The following ROBO1 variants were observed in gnomAD, a reference collection of about 807,000 sequenced individuals.
ROBO1 encodes the protein roundabout homolog 1.
In ROBO1, 149 loss-of-function variants were observed where a neutral mutation model predicts 195.9. That is an observed-to-expected ratio of 0.76 (90% CI 0.67 to 0.87). The LOEUF is 0.87. ROBO1 is among the 40% of genes least tolerant of loss of function. The probability of loss-of-function intolerance (pLI) is 0.00; values close to 1 mark genes in which losing one functional copy is unlikely to be tolerated. For missense variants in ROBO1, 1,933 were observed against 2,068.3 expected (o/e 0.93, Z 1.27); for synonymous variants, 816 against 733.2 (o/e 1.11, Z -1.82).
At chr3:79,321,180 C>A (rs1409517554) in intron 2 of ROBO1, among the ~76,000 whole-genome samples, 1 of 151,888 alleles carries the variant, frequency 6.6e-6, no homozygotes, top group Non-Finnish European at 1.5e-5. Context: ...TGAATAAATG[C>A]AGCTTTTTTT....
chr3:79,412,199 T>C (rs993307155), intron 2 of ROBO1, among the ~76,000 whole-genome samples: 1 of 152,178 alleles, frequency 6.6e-6, no homozygotes, highest in African/African-American at 2.4e-5. Context: ...AAGGCTTCTA[T>C]TTGAATTATC....
At chr3:79,257,962 TA>T (rs1193078763) in intron 2 of ROBO1, among the ~76,000 whole-genome samples, 2 of 152,084 alleles carry the variant, frequency 1.3e-5, no homozygotes, top group Non-Finnish European at 2.9e-5. Context: ...TGGTTAGTAA[TA>T]AAGCTATAAC....
At chr3:79,678,537 T>C (rs1946851088) in intron 1 of ROBO1, among the ~76,000 whole-genome samples, 4 of 152,084 alleles carry the variant, frequency 2.6e-5, no homozygotes, top group African/African-American at 9.7e-5. Context: ...GGAGTACTTA[T>C]TGAACATTAT....
intron 3 of ROBO1, among the ~76,000 whole-genome samples, chr3:78,992,603 G>GT (rs2077263742): frequency 6.6e-6 from 1 of 152,178 alleles, no homozygotes; most frequent in East Asian, 1.9e-4. Context: ...TTAAAACAGT[G>GT]TGAGTCAAGG....
chr3:78,954,640 C>T (rs918822439), intron 3 of ROBO1, among the ~76,000 whole-genome samples: 1 of 151,860 alleles, frequency 6.6e-6, no homozygotes, highest in African/African-American at 2.4e-5. Context: ...TTTTTTATTG[C>T]TATGGAAACA....
At chr3:79,735,259 G>A (rs1576299374) in intron 1 of ROBO1, among the ~76,000 whole-genome samples, 1 of 152,114 alleles carries the variant, frequency 6.6e-6, no homozygotes, top group African/African-American at 2.4e-5. Flanking sequence ...TCAAGCTAGA[G>A]GGCAATGACT....
intron 8 of ROBO1, among the ~76,000 whole-genome samples, chr3:78,701,559 T>C (rs2107941127): frequency 6.6e-6 from 1 of 152,324 alleles, no homozygotes; most frequent in African/African-American, 2.4e-5. Context: ...GTCAAAATTA[T>C]TTATTATCAA....
chr3:78,657,413 T>A, intron 17 of ROBO1, 144 bp from the exon 18 acceptor site: 1 of 748,520 alleles, frequency 1.3e-6, no homozygotes, highest in Non-Finnish European at 2.1e-6. Context: ...ATTTTTTCCC[T>A]AAAATCTAGT....
intron 2 of ROBO1, among the ~76,000 whole-genome samples, chr3:79,514,719 A>G (rs1940868328): frequency 6.6e-6 from 1 of 152,194 alleles, no homozygotes; most frequent in Admixed American, 6.6e-5. Context: ...GTGTTTATGA[A>G]ACTGTAATGT....
chr3:79,431,095 C>A (rs1189074812), intron 2 of ROBO1, among the ~76,000 whole-genome samples: 1 of 152,068 alleles, frequency 6.6e-6, no homozygotes, highest in Non-Finnish European at 1.5e-5. Flanking sequence ...ATTACAAAAA[C>A]AGAGTAGAGA....
chr3:79,683,754 C>G (rs368319979), intron 1 of ROBO1, among the ~76,000 whole-genome samples: 1 of 152,064 alleles, frequency 6.6e-6, no homozygotes, highest in African/African-American at 2.4e-5. Flanking sequence ...CAAGATTCAT[C>G]CATGTTGCAG....
chr3:79,639,326 AT>A (rs1945589137), intron 1 of ROBO1, among the ~76,000 whole-genome samples: 1 of 152,218 alleles, frequency 6.6e-6, no homozygotes, highest in African/African-American at 2.4e-5. Context: ...TTCATTTATT[AT>A]TTTTTTCCTA....
chr3:79,257,307 C>G (rs1227267285), intron 2 of ROBO1, among the ~76,000 whole-genome samples: 1 of 152,052 alleles, frequency 6.6e-6, no homozygotes, highest in Non-Finnish European at 1.5e-5. Context: ...ATCATGCTTT[C>G]AGAGAACAAA....
chr3:79,222,485 T>A (rs2082156859), intron 2 of ROBO1, among the ~76,000 whole-genome samples: 1 of 152,088 alleles, frequency 6.6e-6, no homozygotes, highest in African/African-American at 2.4e-5. Flanking sequence ...AATAAAATGC[T>A]GAAGAAGTCT....
chr3:79,310,228 G>A (rs2033417804), intron 2 of ROBO1, among the ~76,000 whole-genome samples: 1 of 152,096 alleles, frequency 6.6e-6, no homozygotes, highest in African/African-American at 2.4e-5. Context: ...GATTAGTTCT[G>A]GGCCCAGCTC....
intron 2 of ROBO1, among the ~76,000 whole-genome samples, chr3:79,535,059 A>G (rs1395529554): frequency 2.3e-5 from 3 of 132,998 alleles, no homozygotes; most frequent in Non-Finnish European, 4.9e-5. Context: ...TTGTAGGACT[A>G]ATCCCCAAAT....
intron 1 of ROBO1, among the ~76,000 whole-genome samples, chr3:79,698,081 A>G (rs1038634328): frequency 1.3e-5 from 2 of 151,536 alleles, no homozygotes; most frequent in Admixed American, 1.3e-4. Flanking sequence ...TTGAATTTCC[A>G]TACATTAGGA....
At chr3:79,322,422 A>C (rs945986141) in intron 2 of ROBO1, among the ~76,000 whole-genome samples, 3 of 152,190 alleles carry the variant, frequency 2.0e-5, no homozygotes, top group Admixed American at 6.5e-5. Context: ...CTGGGAGGTC[A>C]AGAATGGCAT....
chr3:78,792,582 A>T (rs538015322), intron 4 of ROBO1, among the ~76,000 whole-genome samples: 2 of 152,274 alleles, frequency 1.3e-5, no homozygotes, highest in Admixed American at 1.3e-4. Flanking sequence ...ATCTGTCTTG[A>T]CCATTGCCAC....
Sources: allele counts gnomAD v4.1 joint callset (sites outside exome capture counted in the v4.1 genomes callset), GRCh38; gene constraint gnomAD v4.1.1; transcripts MANE v1.5; gene names NCBI Gene and HGNC (gene_info 2026-07-23, HGNC 2026-07-21).